The following HERC1 variants were observed in gnomAD, a reference collection of about 807,000 sequenced individuals.
HERC1 encodes the protein HECT and RLD domain containing E3 ubiquitin protein ligase family member 1.
In HERC1, 160 loss-of-function variants were observed where a neutral mutation model predicts 554.3. The observed-to-expected ratio is 0.29, with a 90% CI of 0.25 to 0.33. HERC1 has a LOEUF of 0.33. HERC1 is among the 10% of genes least tolerant of loss of function. The pLI is 1.00. For synonymous variants in HERC1, 2,175 were observed against 2,131.7 expected (o/e 1.02, Z -0.56); for missense variants, 4,919 against 5,918.5 (o/e 0.83, Z 5.54).
chr15:63,646,200 G>T (rs1341782915), intron 55 of HERC1, among the ~76,000 whole-genome samples: 3 of 151,850 alleles, frequency 2.0e-5, no homozygotes, highest in Admixed American at 6.6e-5. Context: ...ATGCATTTAC[G>T]CTACTTGCCT....
At chr15:63,664,805 ATTC>A (rs1335936143) in intron 42 of HERC1, among the ~76,000 whole-genome samples, 5 of 152,212 alleles carry the variant, frequency 3.3e-5, no homozygotes, top group African/African-American at 1.2e-4. Flanking sequence ...CTGATTTTGA[ATTC>A]TTCCAACAAC....
intron 1 of HERC1, among the ~76,000 whole-genome samples, chr15:63,817,848 T>C (rs2077547474): frequency 6.6e-6 from 1 of 152,080 alleles, no homozygotes; most frequent in Non-Finnish European, 1.5e-5. Flanking sequence ...CTTTATACTA[T>C]TCCCTCTACT....
At chr15:63,662,880 CT>C in intron 44 of HERC1, 103 bp downstream of exon 44, 1 of 814,970 alleles carries the variant, frequency 1.2e-6, no homozygotes, top group Non-Finnish European at 2.0e-6. Flanking sequence ...AGATAAAAGA[CT>C]TTTTAGAGTG....
chr15:63,614,472 C>T (rs1316986789), intron 76 of HERC1, among the ~76,000 whole-genome samples: 1 of 152,196 alleles, frequency 6.6e-6, no homozygotes, highest in Admixed American at 6.5e-5. Flanking sequence ...AAACACTAAT[C>T]CCTGGCTGTG....
chr15:63,632,505 G>A (rs535546032), intron 68 of HERC1: 5 of 644,910 alleles, frequency 7.8e-6, no homozygotes, highest in Non-Finnish European at 1.4e-5. Context: ...CTGGCATAAG[G>A]GGTCTTAATG....
chr15:63,744,110 C>CTCTGTGTGTGTGTG (rs1555433487), intron 12 of HERC1, among the ~76,000 whole-genome samples: 2 of 93,358 alleles, frequency 2.1e-5, no homozygotes, highest in Admixed American at 1.1e-4. Context: ...CCCAAACAGA[C>CTCTGTGTGTGTGTG]TGTGTGTGTG....
In HERC1 at chr15:63,656,321, G is replaced by C. The variant is rs368247878; in HGVS notation, c.9637C>G (p.Leu3213Val). 2.7e-5 allele frequency: 44 copies of C among 1,613,214 alleles called. No individual in the cohort carries two copies. The African/African-American group carries it at 5.3e-4, about 20-fold the overall frequency. The change falls in exon 49 of 78, where the codon CTG (leucine) becomes GTG (valine). Residue 3213 changes from leucine to valine, a missense_variant. Physicochemically the swap from Leu to Val is conservative, Grantham distance 32. This residue lies in a region of HERC1 where 1,963 missense variants were observed against 2,228.6 expected (regional missense o/e 0.88). Transcript: ENST00000443617. ...SCSLAAGLESLGLTDIRTLVR... is the reference protein window; with the variant it reads ...SCSLAAGLESVGLTDIRTLVR... ...AGCGTTCGGATATCTGTTAGCCCCA[G>C]AGACTCAAGACCAGCAGCCAGGCTA...
intron 2 of HERC1, among the ~76,000 whole-genome samples, chr15:63,774,169 CTCTTT>C (rs1321962350): frequency 6.6e-6 from 1 of 152,114 alleles, no homozygotes; most frequent in Non-Finnish European, 1.5e-5. Flanking sequence ...TTCCCTTTCC[CTCTTT>C]TATTTTTCTT....
intron 70 of HERC1, among the ~76,000 whole-genome samples, chr15:63,627,494 C>T (rs565683586): frequency 6.6e-6 from 1 of 152,026 alleles, no homozygotes; most frequent in South Asian, 2.1e-4. Context: ...GCCAATATGG[C>T]GAAACACCAT....
chr15:63,825,409 C>T (rs1278397076), intron 1 of HERC1, among the ~76,000 whole-genome samples: 2 of 152,124 alleles, frequency 1.3e-5, no homozygotes, highest in Non-Finnish European at 2.9e-5. Flanking sequence ...AAAAAAGTAA[C>T]TATGTGAGAT....
chr15:63,686,304 G>A, intron 34 of HERC1, 55 bp downstream of exon 34: 1 of 1,308,440 alleles, frequency 7.6e-7, no homozygotes, highest in Non-Finnish European at 1.0e-6. Context: ...ATAAGAACCT[G>A]GAAAAAAAAG....
chr15:63,818,118 T>G (rs1048161091), intron 1 of HERC1, among the ~76,000 whole-genome samples: 14 of 152,194 alleles, frequency 9.2e-5, no homozygotes, highest in Admixed American at 7.9e-4. Flanking sequence ...GTTAACAATA[T>G]CTAACCAATT....
rs543647165 is a variant in HERC1 at position 63,692,283 on chromosome 15, G to A, written c.5830+128C>T. On this transcript the variant is annotated intron_variant, in intron 31 of 77. Coordinates refer to ENST00000443617, the MANE Select transcript of HERC1 (RefSeq NM_003922.4). This position sits in a 1 kb window ranked among gnomAD's most constrained non-coding sequence, Gnocchi z 4.7. ...AGTTTTCTTTTGATCAAATAGGTAC[G>A]CAGAAAATAAGAAAGAAAAGCCTTC... 78 of 649,410 alleles carry A rather than the reference G, an allele frequency of 1.2e-4. No individual in the cohort carries two copies. Among genetic ancestry groups the A allele is most frequent in the African/African-American group, 4.8e-4 (26 of 54,064 alleles). The allele number at this position is 649,410 out of a possible 1,614,324, so 40.2% of individuals were successfully genotyped here.
chr15:63,820,616 A>C (rs2077655494), intron 1 of HERC1, among the ~76,000 whole-genome samples: 1 of 152,250 alleles, frequency 6.6e-6, no homozygotes, highest in South Asian at 2.1e-4. Context: ...AGCCTTCCAT[A>C]AATACTACTG....
Position 63,615,872 on chromosome 15 carries a change from C to G in HERC1, c.13990G>C (p.Val4664Leu), listed in dbSNP as rs563489663. ...FVGQSADGKMVPIIPGGNSIP... is the reference protein window; with the variant it reads ...FVGQSADGKMLPIIPGGNSIP... ...CTATTTCCACCAGGGATTATAGGAA[C>G]CATTTTGCCATCAGCACTCTGGCCA... The change falls in exon 76 of 78, where the codon GTT (valine) becomes CTT (leucine). Residue 4664 changes from valine to leucine, a missense_variant. Physicochemically the swap from Val to Leu is conservative, Grantham distance 32. Transcript: ENST00000443617. 1.4e-4 allele frequency: 219 copies of G among 1,605,074 alleles called. 2 individuals carry two copies. The Middle Eastern group carries it at 3.8e-3, about 28-fold the overall frequency.
rs74021320 is a variant in HERC1, at chr15:63,689,685, T to C, written c.5952A>G (p.Leu1984=). 2.0e-3 allele frequency: 3,164 copies of C among 1,574,020 alleles called. 46 individuals carry two copies. In the African/African-American group the frequency reaches 0.037, roughly 19 times the overall value. Residue 1984 remains leucine (L), a synonymous_variant, in exon 33 of 78, where the codon TTA becomes TTG. Transcript: ENST00000443617. The part of the protein sequence containing the change: ...DDQMAQIVER[L]FSLLSDCMWE... ...ACATACAATCAGAGAGAAGGGAAAATAAGCGCTCAACAATCTGTTTTATTG... is the reference window on the plus strand; with the variant it reads ...ACATACAATCAGAGAGAAGGGAAAACAAGCGCTCAACAATCTGTTTTATTG...
rs548007929 is a variant in HERC1 at position 63,670,617 on chromosome 15, T to C, written c.8046-919A>G. The stretch of plus-strand genomic sequence containing the variant: ...AGTCATAAGTCCTGGTGAATGCCTA[T>C]GGGAGCAAGGGGGCATGATTCTACC... On this transcript the variant is annotated intron_variant, in intron 39 of 77. Transcript: ENST00000443617. Among the ~76,000 whole-genome samples, 6 of 152,236 alleles carry C rather than the reference T, an allele frequency of 3.9e-5. No homozygotes were observed. In the East Asian group the frequency reaches 1.2e-3, roughly 29 times the overall value.
intron 1 of HERC1, among the ~76,000 whole-genome samples, chr15:63,803,659 A>G (rs557330130): frequency 6.6e-6 from 1 of 152,322 alleles, no homozygotes; most frequent in East Asian, 1.9e-4. Context: ...GTTCCTTCTT[A>G]AAAGTCTTGT....
chr15:63,660,681 G>A (rs530421498), intron 46 of HERC1, among the ~76,000 whole-genome samples: 26 of 151,064 alleles, frequency 1.7e-4, no homozygotes, highest in Admixed American at 7.2e-4. Flanking sequence ...CCACAATTAG[G>A]GTGGAAATTC....
Sources: gnomAD v4.1 joint callset for allele counts (sites outside exome capture counted in the v4.1 genomes callset) on GRCh38, gnomAD v4.1.1 for gene constraint, gnomAD v4.1.1 regional missense constraint, Gnocchi (gnomAD v3.1) non-coding constraint, MANE v1.5 for transcripts, NCBI Gene and HGNC (gene_info 2026-07-23, HGNC 2026-07-21) for gene names.